The following DNAH11 variants were observed in gnomAD, a reference collection of about 807,000 sequenced individuals.
DNAH11 encodes the protein axonemal beta dynein heavy chain 11.
A neutral mutation model predicts 526.0 loss-of-function variants in DNAH11; 442 were observed. The observed-to-expected ratio is 0.84, with a 90% confidence interval of 0.78 to 0.91. The LOEUF (loss-of-function observed/expected upper bound fraction) is 0.91. Among genes scored for constraint, DNAH11 ranks in the 40% least tolerant of loss-of-function variants. The pLI, the probability that DNAH11 is intolerant of heterozygous loss-of-function variation, is 0.00. For synonymous variants in DNAH11, 2,461 were observed against 1,935.9 expected (o/e 1.27, Z -7.12); for missense variants, 6,989 against 5,448.7 (o/e 1.28, Z -8.90).
rs1785921073 is a variant in DNAH11 at position 21,741,977 on chromosome 7, C to T, written c.7965C>T (p.Asn2655=). Residue 2655 remains asparagine (N), a synonymous_variant, in exon 49 of 82, where the codon AAC becomes AAT. Transcript: ENST00000409508. Reference sequence around the variant, plus strand: ...ATTTTCCATCTTTGGATGCACTAAACACCATCTATGGCCAAATCTTTAGCT... The same window carrying T: ...ATTTTCCATCTTTGGATGCACTAAATACCATCTATGGCCAAATCTTTAGCT... The part of the protein sequence containing the change: ...AFNFPSLDAL[N]TIYGQIFSFH... 2 of 1,613,946 alleles carry T rather than the reference C, an allele frequency of 1.2e-6. No individual in the cohort carries two copies. Among genetic ancestry groups the T allele is most frequent in the East Asian group, 4.5e-5 (2 of 44,884 alleles).
Position 21,571,958 on chromosome 7 carries a change from T to C in DNAH11, c.1578T>C (p.Ser526=). The change falls in exon 8 of 82, where the codon TCT becomes TCC. Residue 526 remains serine, a synonymous_variant. Transcript: ENST00000409508. Reference sequence around the variant, plus strand: ...TTAAACAGAGCACTTATGACCCATCTGATTGCACTAACATGGTAATGTTGT... The same window carrying C: ...TTAAACAGAGCACTTATGACCCATCCGATTGCACTAACATGGTAATGTTGT... The part of the protein sequence containing the change: ...KLFKQSTYDP[S]DCTNMEFESD... 1 of 1,572,474 alleles carries C rather than the reference T, an allele frequency of 6.4e-7. No homozygotes were observed. The highest frequency in any genetic ancestry group is 2.3e-5 in the East Asian group (1 of 43,902).
intron 55 of DNAH11, among the ~76,000 whole-genome samples, chr7:21,767,101 C>T (rs1355370643): frequency 1.3e-5 from 2 of 152,212 alleles, no homozygotes; most frequent in African/African-American, 2.4e-5. Context: ...TATGTGATTG[C>T]CAGGTCTGCT....
intron 81 of DNAH11, 150 bp from the exon 82 acceptor site, chr7:21,900,857 C>G (rs1386763965): frequency 7.6e-7 from 1 of 1,314,692 alleles, no homozygotes; most frequent in African/African-American, 1.5e-5. Context: ...TTTCAAAGCT[C>G]AGTCCGGCCA....
intron 57 of DNAH11, among the ~76,000 whole-genome samples, chr7:21,782,540 TA>T (rs1195466120): frequency 1.3e-5 from 2 of 152,212 alleles, no homozygotes; most frequent in Non-Finnish European, 2.9e-5. Flanking sequence ...TTGTTTTGTT[TA>T]TAAAAATTAC....
chr7:21,612,487 A>G (rs557901343), intron 20 of DNAH11, among the ~76,000 whole-genome samples: 10 of 147,124 alleles, frequency 6.8e-5, no homozygotes, highest in South Asian at 4.5e-4. Context: ...CCCAGGAGGC[A>G]GAGCTTGCAG....
intron 30 of DNAH11, among the ~76,000 whole-genome samples, chr7:21,661,350 C>T (rs964970566): frequency 6.6e-6 from 1 of 151,876 alleles, no homozygotes; most frequent in African/African-American, 2.4e-5. Flanking sequence ...GGAGTTTGTG[C>T]AGTGGTGAAT....
intron 34 of DNAH11, among the ~76,000 whole-genome samples, chr7:21,689,620 C>T (rs1247017443): frequency 6.6e-6 from 1 of 152,224 alleles, no homozygotes; most frequent in East Asian, 1.9e-4. Flanking sequence ...TGTGAGCGGC[C>T]CTGCCAGCCT....
Position 21,543,453 on chromosome 7 carries a change from C to T in DNAH11, c.208C>T (p.Leu70=), listed in dbSNP as rs772648210. Residue 70 remains leucine, a synonymous_variant, in exon 1 of 82, where the codon CTG becomes TTG. Transcript: ENST00000409508. ...CCTCGGCGGCCGCCTGGCGATGATG[C>T]TGGGGTTCACGGAGGAGAAATGGAG... ...RFLGGRLAMM[L]GFTEEKWSQY... 4.5e-6 allele frequency: 7 copies of T among 1,571,930 alleles called. No individual in the cohort carries two copies. The highest frequency in any genetic ancestry group is 2.7e-5 in the African/African-American group (2 of 74,176).
intron 45 of DNAH11, among the ~76,000 whole-genome samples, chr7:21,733,176 C>A (rs1254332920): frequency 6.6e-6 from 1 of 152,186 alleles, no homozygotes; most frequent in African/African-American, 2.4e-5. Context: ...CACCTGAGGC[C>A]AGGAATTCAA....
chr7:21,838,539 C>G (rs1464977133), intron 65 of DNAH11, among the ~76,000 whole-genome samples: 1 of 152,146 alleles, frequency 6.6e-6, no homozygotes, highest in Non-Finnish European at 1.5e-5. Flanking sequence ...GGACATTTCA[C>G]TAAGTGGAGT....
chr7:21,751,547 T>C (rs998917309), intron 54 of DNAH11, among the ~76,000 whole-genome samples: 1 of 152,148 alleles, frequency 6.6e-6, no homozygotes, highest in Non-Finnish European at 1.5e-5. Context: ...GTATGGAAAC[T>C]AGGAAAGCTG....
At chr7:21,879,675 T>C (rs181532532) in intron 74 of DNAH11, among the ~76,000 whole-genome samples, 1 of 152,224 alleles carries the variant, frequency 6.6e-6, no homozygotes, top group Non-Finnish European at 1.5e-5. Context: ...TTCTCACACA[T>C]ATTAGGCAGC....
intron 35 of DNAH11, among the ~76,000 whole-genome samples, chr7:21,691,356 G>T (rs965927632): frequency 8.6e-5 from 13 of 151,580 alleles, no homozygotes; most frequent in South Asian, 2.1e-4. Flanking sequence ...GGGCTGGGGT[G>T]GGGGGAGCAG....
At chr7:21,564,446 A>G in intron 6 of DNAH11, 49 bp downstream of exon 6, 3 of 1,397,286 alleles carry the variant, frequency 2.1e-6, no homozygotes, top group Non-Finnish European at 3.0e-6. Flanking sequence ...GCTGTGAGGT[A>G]GGTTTTACGA....
chr7:21,820,186 C>T (rs534597445), intron 65 of DNAH11, among the ~76,000 whole-genome samples: 1 of 152,142 alleles, frequency 6.6e-6, no homozygotes, highest in Non-Finnish European at 1.5e-5. Context: ...ATTGAGTAAA[C>T]CTTCTCTGAG....
chr7:21,737,581 C>T lies in DNAH11; in HGVS notation c.7646-1120C>T, dbSNP rs922658152. ...TCAGTCCCCCTGAGTAGTATAAGAG[C>T]TATATGTAATGTGACCCTGGACCAG... On this transcript the variant is annotated intron_variant, in intron 46 of 81. Transcript: ENST00000409508. Among the ~76,000 whole-genome samples, 5 of 152,278 alleles carry T rather than the reference C, an allele frequency of 3.3e-5. No homozygotes were observed. The South Asian group carries it at 1.0e-3, about 32-fold the overall frequency.
intron 43 of DNAH11, among the ~76,000 whole-genome samples, chr7:21,720,512 T>A (rs926449354): frequency 5.9e-5 from 9 of 152,162 alleles, no homozygotes. Flanking sequence ...TAAAAAATAG[T>A]TTATTACCTA....
chr7:21,641,741 A>G (rs1583555810), intron 28 of DNAH11, among the ~76,000 whole-genome samples: 1 of 152,226 alleles, frequency 6.6e-6, no homozygotes, highest in South Asian at 2.1e-4. Context: ...GGTATTTTAC[A>G]GAGTGCTATC....
intron 6 of DNAH11, among the ~76,000 whole-genome samples, chr7:21,567,121 C>T (rs1156687457): frequency 1.3e-5 from 2 of 152,040 alleles, no homozygotes; most frequent in Non-Finnish European, 2.9e-5. Context: ...AAGGTTATAT[C>T]AATTACATTG....
Sources: allele counts gnomAD v4.1 joint callset (sites outside exome capture counted in the v4.1 genomes callset), GRCh38; gene constraint gnomAD v4.1.1; transcripts MANE v1.5; gene names NCBI Gene and HGNC (gene_info 2026-07-23, HGNC 2026-07-21).